ADAM12: variants seen among roughly 807,000 people sequenced by gnomAD.
The protein encoded by ADAM12 is ADAM metallopeptidase domain 12.
A neutral mutation model predicts 106.4 loss-of-function variants in ADAM12; 70 were observed. The observed-to-expected ratio is 0.66, with a 90% CI of 0.54 to 0.80. The LOEUF is 0.80. Among genes scored for constraint, ADAM12 ranks in the 30% least tolerant of loss-of-function variants. The pLI is 0.00. For synonymous variants in ADAM12, 420 were observed against 433.5 expected (o/e 0.97, Z 0.39); for missense variants, 1,010 against 1,171.9 (o/e 0.86, Z 2.02).
chr10:126,247,667 A>G (rs1360034193), intron 3 of ADAM12, among the ~76,000 whole-genome samples: 4 of 152,242 alleles, frequency 2.6e-5, no homozygotes, highest in Non-Finnish European at 5.9e-5. Flanking sequence ...CTTGAGACTA[A>G]GTCACCAACC....
chr10:126,285,900 C>T (rs1377755284), intron 2 of ADAM12, among the ~76,000 whole-genome samples: 2 of 152,038 alleles, frequency 1.3e-5, no homozygotes, highest in Admixed American at 6.6e-5. Flanking sequence ...GCTAGGGCAT[C>T]CCAGTGAACT....
intron 19 of ADAM12, among the ~76,000 whole-genome samples, chr10:126,038,672 G>A (rs1954101025): frequency 6.6e-6 from 1 of 152,100 alleles, no homozygotes; most frequent in South Asian, 2.1e-4. Flanking sequence ...TACCCCATCT[G>A]ATGAAAATAT....
At chr10:126,177,561 T>C (rs112048984) in intron 3 of ADAM12, among the ~76,000 whole-genome samples, 3,191 of 152,320 alleles carry the variant, frequency 0.021, 121 homozygotes, top group African/African-American at 0.073. Flanking sequence ...TTTCAAGGTT[T>C]CCTACTGAAG....
At chr10:126,037,248 T>C (rs975578656) in intron 20 of ADAM12, among the ~76,000 whole-genome samples, 1 of 152,058 alleles carries the variant, frequency 6.6e-6, no homozygotes, top group African/African-American at 2.4e-5. Context: ...GATATTTGGA[T>C]TGTTTCTAGT....
intron 2 of ADAM12, among the ~76,000 whole-genome samples, chr10:126,326,581 A>G (rs1347845488): frequency 2.6e-5 from 4 of 152,094 alleles, no homozygotes; most frequent in Non-Finnish European, 4.4e-5. Flanking sequence ...TCCTTCCTGG[A>G]CAGTTGCACT....
intron 3 of ADAM12, among the ~76,000 whole-genome samples, chr10:126,177,478 T>C (rs528444558): frequency 7.9e-5 from 12 of 152,318 alleles, no homozygotes; most frequent in Admixed American, 1.3e-4. Context: ...AGAGATTACA[T>C]AGCTTAAGAC....
chr10:126,032,524 C>T (rs758191509), intron 21 of ADAM12, among the ~76,000 whole-genome samples: 42 of 152,000 alleles, frequency 2.8e-4, no homozygotes, highest in Admixed American at 2.6e-4. Flanking sequence ...TGCAAGAGTC[C>T]CTGCTGGTGG....
chr10:126,299,655 T>C (rs989799414), intron 2 of ADAM12, among the ~76,000 whole-genome samples: 3 of 152,182 alleles, frequency 2.0e-5, no homozygotes, highest in Admixed American at 6.5e-5. Flanking sequence ...AGCTTTTTTT[T>C]TTCTTTTTTT....
intron 3 of ADAM12, among the ~76,000 whole-genome samples, chr10:126,260,130 T>C (rs1227698955): frequency 1.3e-5 from 2 of 152,126 alleles, no homozygotes; most frequent in African/African-American, 4.8e-5. Context: ...CACATTACCA[T>C]ACACATTACC....
chr10:126,338,002 C>T (rs982501733), intron 1 of ADAM12, among the ~76,000 whole-genome samples: 33 of 152,116 alleles, frequency 2.2e-4, no homozygotes, highest in African/African-American at 6.0e-4. Flanking sequence ...CAGCCTTGGG[C>T]GTGTTAGAGG....
At chr10:126,211,327 A>C (rs1373643321) in intron 3 of ADAM12, among the ~76,000 whole-genome samples, 1 of 151,842 alleles carries the variant, frequency 6.6e-6, no homozygotes, top group Non-Finnish European at 1.5e-5. Context: ...GGCATACCCC[A>C]CCCTCCCGGG....
chr10:126,367,179 A>G (rs556192585), intron 1 of ADAM12, among the ~76,000 whole-genome samples: 1 of 152,126 alleles, frequency 6.6e-6, no homozygotes, highest in African/African-American at 2.4e-5. Flanking sequence ...AGTATAAAAC[A>G]ACTCTCTAAC....
At chr10:126,102,855 A>G (rs1241515691) in intron 8 of ADAM12, among the ~76,000 whole-genome samples, 1 of 152,206 alleles carries the variant, frequency 6.6e-6, no homozygotes, top group East Asian at 1.9e-4. Flanking sequence ...CTGAATGCAC[A>G]TGTTTGGCTG....
intron 19 of ADAM12, among the ~76,000 whole-genome samples, 166 bp downstream of exon 19, chr10:126,039,128 A>G (rs35267061): frequency 6.6e-6 from 1 of 150,864 alleles, no homozygotes; most frequent in African/African-American, 2.4e-5. Context: ...CCCGGCTGAT[A>G]TTTTGTATTT....
Position 126,046,146 on chromosome 10 carries a change from A to T in ADAM12, c.1918-14T>A. ...ATTCAGGCAGATCTGTAGGAGGAGGAAAACACAGCAAATCTCTTAGTATTT... is the reference window on the plus strand; with the variant it reads ...ATTCAGGCAGATCTGTAGGAGGAGGTAAACACAGCAAATCTCTTAGTATTT... On this transcript the variant is annotated splice_polypyrimidine_tract_variant and intron_variant, in intron 16 of 22. Coordinates refer to ENST00000448723, the MANE Select transcript of ADAM12 (RefSeq NM_001288973.2). 1.9e-6 allele frequency: 3 copies of T among 1,607,448 alleles called. No individual in the cohort carries two copies. Among genetic ancestry groups the T allele is most frequent in the Non-Finnish European group, 2.6e-6 (3 of 1,173,898 alleles).
chr10:126,049,333 G>A lies in ADAM12; in HGVS notation c.1837C>T (p.Arg613Trp), dbSNP rs774279347. Residue 613 changes from arginine (R) to tryptophan (W), a missense_variant, in exon 16 of 23, where the codon CGG becomes TGG. Arg to Trp is a moderately radical substitution (Grantham distance 101). Around this residue, in one of 3 missense-constraint regions of ADAM12, gnomAD observed 615 missense variants for 708.5 expected, o/e 0.87. Coordinates refer to ENST00000448723, the MANE Select transcript of ADAM12 (RefSeq NM_001288973.2). The surrounding 1 kb of genome is among the most constrained non-coding windows in gnomAD (Gnocchi z 4.4). The stretch of plus-strand genomic sequence containing the variant: ...TCGCCCAAGTACACGTGGGTCCCCC[G>A]GCACAGAATCCGGCCTCCTTGCTGC... ...PLQQGGRILC[R>W]GTHVYLGDDM... 4 of 1,614,208 alleles carry A rather than the reference G, an allele frequency of 2.5e-6. No homozygotes were observed. The highest frequency in any genetic ancestry group is 1.7e-5 in the Admixed American group (1 of 60,028).
Position 126,286,271 on chromosome 10 carries a change from C to T in ADAM12, c.187-7283G>A, listed in dbSNP as rs182732528. Among the ~76,000 whole-genome samples, 28 of 152,092 alleles carry T rather than the reference C, an allele frequency of 1.8e-4. No individual in the cohort carries two copies. The East Asian group carries it at 3.9e-3, about 21-fold the overall frequency. On this transcript the variant is annotated intron_variant, in intron 2 of 22. Transcript: ENST00000448723. ...AGGGTGAATTAATGTGGCAGTGGAA[C>T]GGCAGCAGGTCTGGCAGGCAGGAGG...
At chr10:126,277,348 C>G (rs1959311259) in intron 3 of ADAM12, among the ~76,000 whole-genome samples, 1 of 152,056 alleles carries the variant, frequency 6.6e-6, no homozygotes, top group South Asian at 2.1e-4. Context: ...CAGGATTAGC[C>G]TCCCCTCATG....
At chr10:126,046,159 T>A in intron 16 of ADAM12, 27 bp from the exon 17 acceptor site, 1 of 1,597,084 alleles carries the variant, frequency 6.3e-7, no homozygotes, top group Non-Finnish European at 8.6e-7. Context: ...ACACAGCAAA[T>A]CTCTTAGTAT....
Sources: allele counts gnomAD v4.1 joint callset (sites outside exome capture counted in the v4.1 genomes callset), GRCh38; gene constraint gnomAD v4.1.1; regional missense constraint gnomAD v4.1.1; non-coding constraint Gnocchi (gnomAD v3.1); transcripts MANE v1.5; gene names NCBI Gene and HGNC (gene_info 2026-07-23, HGNC 2026-07-21).